The following CIP2A variants were observed in gnomAD, a reference collection of about 807,000 sequenced individuals.
CIP2A encodes cellular inhibitor of PP2A.
A neutral mutation model predicts 110.9 loss-of-function variants in CIP2A; 103 were observed. That is an observed-to-expected ratio of 0.93 (90% CI 0.79 to 1.09). The LOEUF is 1.09. Ranked by LOEUF, CIP2A falls within the 50% of genes least tolerant of loss-of-function variation. CIP2A has a pLI of 0.00. For synonymous variants in CIP2A, 381 were observed against 361.6 expected (o/e 1.05, Z -0.61); for missense variants, 1,088 against 1,038.4 (o/e 1.05, Z -0.66).
chr3:108,582,010 T>G, intron 4 of CIP2A, 98 bp downstream of exon 4: 1 of 573,264 alleles, frequency 1.7e-6, no homozygotes, highest in African/African-American at 1.9e-5. Context: ...AGTTTATATG[T>G]TAGAAAATGT....
At chr3:108,570,774 A>T (rs1026711244) in intron 8 of CIP2A, among the ~76,000 whole-genome samples, 2 of 152,132 alleles carry the variant, frequency 1.3e-5, no homozygotes, top group African/African-American at 2.4e-5. Context: ...TATATTTCAT[A>T]AAGACTGTAT....
chr3:108,574,666 T>C (rs933165541), intron 8 of CIP2A: 1 of 152,630 alleles, frequency 6.6e-6, no homozygotes, highest in Admixed American at 6.5e-5. Flanking sequence ...CTGTTGCTTG[T>C]ATGGGTTGGC....
intron 8 of CIP2A, among the ~76,000 whole-genome samples, chr3:108,575,314 GTGCATGTACACA>G (rs1938542219): frequency 2.7e-5 from 4 of 145,604 alleles, no homozygotes; most frequent in Non-Finnish European, 5.9e-5. Flanking sequence ...GTACACACAC[GTGCATGTACACA>G]CACGTGTATA....
At chr3:108,553,995 A>C (rs1301172559) in intron 18 of CIP2A, among the ~76,000 whole-genome samples, 2 of 150,896 alleles carry the variant, frequency 1.3e-5, no homozygotes, top group Admixed American at 6.6e-5. Flanking sequence ...TCCCGGGCTC[A>C]AGTGATTCTC....
chr3:108,556,269 T>C, intron 17 of CIP2A, among the ~76,000 whole-genome samples: 1 of 152,188 alleles, frequency 6.6e-6, no homozygotes, highest in East Asian at 1.9e-4. Flanking sequence ...TATCTCTGTA[T>C]TAACAACATA....
intron 13 of CIP2A, among the ~76,000 whole-genome samples, chr3:108,561,052 C>T (rs1001324881): frequency 6.6e-6 from 1 of 152,118 alleles, no homozygotes; most frequent in Admixed American, 6.6e-5. Flanking sequence ...TTTATAATGA[C>T]AGCTTCACCT....
At chr3:108,559,440 A>G (rs1440860177) in intron 16 of CIP2A, among the ~76,000 whole-genome samples, 1 of 152,180 alleles carries the variant, frequency 6.6e-6, no homozygotes, top group Non-Finnish European at 1.5e-5. Context: ...AAAATTAGGA[A>G]CATTACTATT....
At chr3:108,579,511 A>T (rs1938790117) in intron 6 of CIP2A, 55 bp downstream of exon 6, 1 of 1,564,236 alleles carries the variant, frequency 6.4e-7, no homozygotes, top group African/African-American at 1.4e-5. Context: ...AGTCTCAATG[A>T]CTTTTAAAAT....
At chr3:108,575,521 TATATACACGTATATATACTCATATAC>T (rs1938568023) in intron 8 of CIP2A, among the ~76,000 whole-genome samples, 1 of 147,568 alleles carries the variant, frequency 6.8e-6, no homozygotes, top group Admixed American at 6.7e-5. Flanking sequence ...TACACATACA[TATATACACGTATATATACTCATATAC>T]ATGTGTATAT....
At position 108,551,409 on chromosome 3, in the gene CIP2A, T is replaced by C. The variant is rs2107303623; in HGVS notation, c.2548-90A>G. 5.6e-6 allele frequency: 5 copies of C among 898,894 alleles called. No homozygotes were observed. In the South Asian group the frequency reaches 1.0e-4, roughly 19 times the overall value. The allele number at this position is 898,894 out of a possible 1,614,324, so 55.7% of individuals were successfully genotyped here. A position where few individuals can be genotyped will look rare whatever the true frequency, so the allele number is the denominator to read the frequency against. The stretch of plus-strand genomic sequence containing the variant: ...ATACATATATTTTAAGATGCTTTTA[T>C]TTTTTATTGTACAACAACCATTTCA... On this transcript the variant is annotated intron_variant, in intron 20 of 20. Transcript: ENST00000295746.
intron 5 of CIP2A, 95 bp downstream of exon 5, chr3:108,581,320 T>C: frequency 1.2e-6 from 1 of 844,666 alleles, no homozygotes; most frequent in Non-Finnish European, 1.9e-6. Context: ...GAATCCTTGT[T>C]CAAATTTGTT....
At chr3:108,570,601 T>C (rs1343521638) in intron 8 of CIP2A, among the ~76,000 whole-genome samples, 1 of 152,102 alleles carries the variant, frequency 6.6e-6, no homozygotes, top group African/African-American at 2.4e-5. Context: ...TAAGTACTTG[T>C]GTATCTAAAC....
At chr3:108,574,164 T>A (rs1218834039) in intron 8 of CIP2A, among the ~76,000 whole-genome samples, 3 of 152,078 alleles carry the variant, frequency 2.0e-5, no homozygotes, top group Non-Finnish European at 2.9e-5. Flanking sequence ...TCCTCCTACT[T>A]ATAAGAGAAA....
chr3:108,570,927 T>C (rs959607562), intron 8 of CIP2A, among the ~76,000 whole-genome samples: 5 of 152,296 alleles, frequency 3.3e-5, no homozygotes, highest in South Asian at 2.1e-4. Context: ...TATACAAAAA[T>C]ACTTTATTTA....
intron 16 of CIP2A, among the ~76,000 whole-genome samples, chr3:108,559,060 G>A (rs1202214946): frequency 6.6e-6 from 1 of 152,124 alleles, no homozygotes; most frequent in African/African-American, 2.4e-5. Flanking sequence ...TGGCTGTAGA[G>A]TATCTGAGAA....
intron 11 of CIP2A, 138 bp from the exon 12 acceptor site, chr3:108,565,592 G>A (rs1938154159): frequency 1.9e-6 from 1 of 534,882 alleles, no homozygotes; most frequent in Admixed American, 3.8e-5. Context: ...TGTTTCTATT[G>A]AGAAGTAAAA....
chr3:108,556,598 A>T (rs898422930), intron 17 of CIP2A, among the ~76,000 whole-genome samples: 2 of 152,196 alleles, frequency 1.3e-5, no homozygotes, highest in Non-Finnish European at 2.9e-5. Flanking sequence ...CACATTTTGG[A>T]GGAAAATTTA....
At chr3:108,575,410 GTATACA>G (rs1559698819) in intron 8 of CIP2A, among the ~76,000 whole-genome samples, 187 of 138,862 alleles carry the variant, frequency 1.3e-3, no homozygotes, top group African/African-American at 4.4e-3. Flanking sequence ...ACATGTGTAT[GTATACA>G]TATACATGTA....
At position 108,569,544 on chromosome 3, in the gene CIP2A, T is replaced by C; in HGVS notation, c.958A>G (p.Met320Val). Reference sequence around the variant, plus strand: ...CTGCCAGGTGGAGACTGTTCAAACATCATCTGAGTGAGCATATGGCGCAGC... The same window carrying C: ...CTGCCAGGTGGAGACTGTTCAAACACCATCTGAGTGAGCATATGGCGCAGC... ...TQLRHMLTQM[M>V]FEQSPPGSAT... The change falls in exon 9 of 21, where the codon ATG (methionine) becomes GTG (valine). Residue 320 changes from methionine (M) to valine (V), a missense_variant. Transcript: ENST00000295746. 1 of 1,612,770 alleles carries C rather than the reference T, an allele frequency of 6.2e-7. No homozygotes were observed. The highest frequency in any genetic ancestry group is 8.5e-7 in the Non-Finnish European group (1 of 1,179,288).
Sources: allele counts gnomAD v4.1 joint callset (sites outside exome capture counted in the v4.1 genomes callset), GRCh38; gene constraint gnomAD v4.1.1; transcripts MANE v1.5; gene names NCBI Gene and HGNC (gene_info 2026-07-23, HGNC 2026-07-21).